The following SPATS2L variants were observed in gnomAD, a reference collection of about 807,000 sequenced individuals.
SPATS2L encodes spermatogenesis associated serine rich 2 like.
SPATS2L carries 30 observed loss-of-function variants against 59.6 expected under a neutral mutation model. That is an observed-to-expected ratio of 0.50 (90% CI 0.38 to 0.68). SPATS2L has a LOEUF of 0.68. Among genes scored for constraint, SPATS2L ranks in the 30% least tolerant of loss-of-function variants. SPATS2L has a pLI of 0.00. For synonymous variants in SPATS2L, 252 were observed against 263.5 expected, an observed-to-expected ratio of 0.96 and a Z score of 0.42; for missense variants, 615 against 700.0, an observed-to-expected ratio of 0.88 and a Z score of 1.37.
At position 200,472,869 on chromosome 2, in the gene SPATS2L, C is replaced by T; in HGVS notation, c.1098C>T (p.Pro366=). 1.9e-6 allele frequency: 3 copies of T among 1,613,984 alleles called. No individual in the cohort carries two copies. The South Asian group carries it at 3.3e-5, about 18-fold the overall frequency. Residue 366 remains proline, a synonymous_variant, in exon 12 of 13, where the codon CCC becomes CCT. Coordinates refer to ENST00000409140, the MANE Select transcript of SPATS2L (RefSeq NM_001100423.2). ...AGAACAACTATTCCTCAAGAACTCC[C>T]TGCAGCTCCCTGCTGCCTCTGCTGA... ...HPKNNYSSRT[P]CSSLLPLLNA...
In SPATS2L at chr2:200,370,938, G is replaced by A. The variant is rs187615630; in HGVS notation, c.-22-18285G>A. Among the ~76,000 whole-genome samples the A allele has an allele frequency of 4.7e-3, 719 of 152,244 alleles. 3 individuals are homozygous for A. Among genetic ancestry groups the A allele is most frequent in the African/African-American group, 0.016 (675 of 41,564 alleles). ...CTTGAGAAATCAGCCAGATTAGTAC[G>A]ACAAAATTAATTTGAGCCAAATGTA... On this transcript the variant is annotated intron_variant, in intron 2 of 12. Transcript: ENST00000409140.
At chr2:200,455,439 T>C (rs1255114662) in intron 8 of SPATS2L, among the ~76,000 whole-genome samples, 3 of 152,102 alleles carry the variant, frequency 2.0e-5, no homozygotes, top group Non-Finnish European at 2.9e-5. Context: ...CCAGGCTTGC[T>C]CCTCCTGGGA....
intron 6 of SPATS2L, among the ~76,000 whole-genome samples, chr2:200,428,370 G>C (rs917961372): frequency 6.6e-6 from 1 of 152,096 alleles, no homozygotes; most frequent in Non-Finnish European, 1.5e-5. Flanking sequence ...TCGTTTCCCT[G>C]TGGTTTCTAT....
At chr2:200,428,012 G>C (rs951719239) in intron 6 of SPATS2L, among the ~76,000 whole-genome samples, 9 of 151,538 alleles carry the variant, frequency 5.9e-5, no homozygotes, top group Admixed American at 5.9e-4. Flanking sequence ...CGAGGCCACA[G>C]TGAGCCGTGA....
chr2:200,331,011 A>C (rs542787021), intron 2 of SPATS2L, among the ~76,000 whole-genome samples: 1 of 152,340 alleles, frequency 6.6e-6, no homozygotes, highest in Non-Finnish European at 1.5e-5. Flanking sequence ...ATTACAGCTC[A>C]AAGGCTTTAC....
chr2:200,480,376 C>T lies in SPATS2L; in HGVS notation c.*2345C>T, dbSNP rs893466707. The T allele has an allele frequency of 1.6e-5, 2 of 126,248 alleles. No individual in the cohort carries two copies. Among genetic ancestry groups the T allele is most frequent in the Non-Finnish European group, 3.2e-5 (2 of 62,040 alleles). 7.8% of individuals were successfully genotyped at this position (126,248 alleles called of 1,614,324 possible). Reference sequence around the variant, plus strand: ...TTTTTGAGACAGGGTCTTGCTCTATCACCTAGGCTGGAGTGCATGTTTTTG... The same window carrying T: ...TTTTTGAGACAGGGTCTTGCTCTATTACCTAGGCTGGAGTGCATGTTTTTG... On this transcript the variant is annotated 3_prime_UTR_variant, in exon 13 of 13. Transcript: ENST00000409140.
chr2:200,318,716 G>C (rs1334222089), intron 1 of SPATS2L, among the ~76,000 whole-genome samples: 1 of 152,150 alleles, frequency 6.6e-6, no homozygotes, highest in Admixed American at 6.5e-5. Context: ...TGTGTACTAG[G>C]AGTATCTTCA....
chr2:200,318,215 G>A (rs1158204093), intron 1 of SPATS2L, among the ~76,000 whole-genome samples: 2 of 152,178 alleles, frequency 1.3e-5, no homozygotes, highest in East Asian at 3.8e-4. Flanking sequence ...AAGATGTTAT[G>A]CCAGTCACTG....
chr2:200,386,831 C>T (rs2082007859), intron 2 of SPATS2L, among the ~76,000 whole-genome samples: 1 of 152,126 alleles, frequency 6.6e-6, no homozygotes, highest in South Asian at 2.1e-4. Context: ...TCCTCCCCCT[C>T]CATCCCCCTC....
chr2:200,315,055 G>A (rs1048343638), intron 1 of SPATS2L, among the ~76,000 whole-genome samples: 6 of 152,320 alleles, frequency 3.9e-5, no homozygotes, highest in South Asian at 2.1e-4. Context: ...AACATCACCT[G>A]TGTGCTCACA....
chr2:200,377,142 C>A (rs555277899), intron 2 of SPATS2L, among the ~76,000 whole-genome samples: 11 of 152,320 alleles, frequency 7.2e-5, no homozygotes, highest in Admixed American at 6.5e-4. Context: ...TTTCATCCTT[C>A]TTACCACGCT....
intron 2 of SPATS2L, among the ~76,000 whole-genome samples, chr2:200,343,633 C>T (rs1360770129): frequency 6.6e-6 from 1 of 151,990 alleles, no homozygotes; most frequent in South Asian, 2.1e-4. Context: ...AGGTTTTAGC[C>T]ACAAAGATGT....
At chr2:200,408,129 G>C (rs766432556) in intron 3 of SPATS2L, among the ~76,000 whole-genome samples, 4 of 152,108 alleles carry the variant, frequency 2.6e-5, no homozygotes, top group Non-Finnish European at 2.9e-5. Context: ...CCTCTGGCAG[G>C]GGGTATGGAG....
At chr2:200,349,923 C>A (rs1170997178) in intron 2 of SPATS2L, among the ~76,000 whole-genome samples, 1 of 152,184 alleles carries the variant, frequency 6.6e-6, no homozygotes, top group East Asian at 1.9e-4. Context: ...TTCACATCTC[C>A]TGCCTGGGGG....
intron 6 of SPATS2L, among the ~76,000 whole-genome samples, chr2:200,438,213 A>T (rs1028777723): frequency 6.6e-6 from 1 of 152,182 alleles, no homozygotes; most frequent in Non-Finnish European, 1.5e-5. Context: ...AGTCAGCCAG[A>T]CAAGTGAAGA....
At chr2:200,475,217 T>C (rs932999219) in intron 12 of SPATS2L, among the ~76,000 whole-genome samples, 3 of 152,220 alleles carry the variant, frequency 2.0e-5, no homozygotes, top group African/African-American at 4.8e-5. Context: ...TTCAGACATA[T>C]GGTGTGTGAA....
At chr2:200,391,956 A>G (rs2082185368) in intron 3 of SPATS2L, among the ~76,000 whole-genome samples, 1 of 152,212 alleles carries the variant, frequency 6.6e-6, no homozygotes, top group South Asian at 2.1e-4. Context: ...GTATTATTAC[A>G]TGTTGTCTTA....
intron 2 of SPATS2L, among the ~76,000 whole-genome samples, chr2:200,388,358 C>T (rs111721820): frequency 2.8e-4 from 43 of 151,870 alleles, no homozygotes; most frequent in African/African-American, 9.9e-4. Flanking sequence ...ATCGCTTGAG[C>T]CCAGGAGTTT....
chr2:200,346,936 C>T (rs2080531278), intron 2 of SPATS2L, among the ~76,000 whole-genome samples: 1 of 152,184 alleles, frequency 6.6e-6, no homozygotes. Flanking sequence ...TACATGCTTG[C>T]AGATCCTGTA....
Sources: allele counts gnomAD v4.1 joint callset (sites outside exome capture counted in the v4.1 genomes callset), GRCh38; gene constraint gnomAD v4.1.1; transcripts MANE v1.5; gene names NCBI Gene and HGNC (gene_info 2026-07-23, HGNC 2026-07-21).